Variants in SNRNP48 observed in about 807,000 individuals in gnomAD.
SNRNP48 encodes U11/U12 small nuclear ribonucleoprotein 48 kDa protein.
A neutral mutation model predicts 47.0 loss-of-function variants in SNRNP48; 43 were observed. The ratio of observed to expected loss-of-function variants is 0.92; its 90% CI spans 0.72 to 1.18. The LOEUF (loss-of-function observed/expected upper bound fraction) is 1.18, where lower values mean the gene tolerates loss of function less well. SNRNP48 is among the 50% of genes most tolerant of loss of function. The pLI is 0.00. For synonymous variants in SNRNP48, 138 were observed against 144.0 expected (o/e 0.96, Z 0.30); for missense variants, 396 against 422.2 (o/e 0.94, Z 0.54).
rs1760117574 is a variant in SNRNP48, at chr6:7,606,013, T to C, written c.807-18T>C. On this transcript the variant is annotated intron_variant, in intron 7 of 8. Transcript: ENST00000342415. The stretch of plus-strand genomic sequence containing the variant: ...CAGTGGTAACACAAACTGATTAACA[T>C]TCTTTTCTGTGTTTTAGGAATGAAG... 1.3e-6 allele frequency: 2 copies of C among 1,587,108 alleles called. No individual in the cohort carries two copies. Among genetic ancestry groups the C allele is most frequent in the Non-Finnish European group, 8.5e-7 (1 of 1,171,478 alleles).
intron 1 of SNRNP48, 52 bp downstream of exon 1, chr6:7,590,465 C>A: frequency 7.9e-7 from 1 of 1,262,368 alleles, no homozygotes; most frequent in Non-Finnish European, 1.0e-6. Flanking sequence ...CCGGGGTCTT[C>A]TCTGGAAGAA....
intron 4 of SNRNP48, chr6:7,600,161 A>C (rs748793547): frequency 5.0e-6 from 5 of 992,236 alleles, no homozygotes; most frequent in Non-Finnish European, 6.0e-6. Flanking sequence ...CCCTTTGACG[A>C]GTAAAAATGG....
At chr6:7,591,065 G>A (rs1759807835) in intron 1 of SNRNP48, among the ~76,000 whole-genome samples, 1 of 152,212 alleles carries the variant, frequency 6.6e-6, no homozygotes, top group Non-Finnish European at 1.5e-5. Flanking sequence ...AAGTGAACGT[G>A]TCTCAGAGCG....
Position 7,603,373 on chromosome 6 carries a change from G to A in SNRNP48, c.717+629G>A, listed in dbSNP as rs554826174. On this transcript the variant is annotated intron_variant, in intron 6 of 8. Transcript: ENST00000342415. ...TAGAGTTGATGAATTTTTTTGGTATGTGAATTACCTTGCCCAGACTCTACA... is the reference window on the plus strand; with the variant it reads ...TAGAGTTGATGAATTTTTTTGGTATATGAATTACCTTGCCCAGACTCTACA... 3.1e-4 allele frequency among the ~76,000 whole-genome samples: 47 copies of A among 152,212 alleles called. No individual in the cohort carries two copies. The South Asian group carries it at 7.5e-3, about 24-fold the overall frequency.
chr6:7,605,458 C>G lies in SNRNP48; in HGVS notation c.778C>G (p.Gln260Glu), dbSNP rs1230335638. 2 of 1,613,946 alleles carry G rather than the reference C, an allele frequency of 1.2e-6. No homozygotes were observed. The highest frequency in any genetic ancestry group is 3.3e-5 in the Admixed American group (2 of 60,016). ...ACTCAGCAATCATTGGCAAGAAGAG[C>G]AAGAGAAGGCAGAGGATGATGCCGA... Reference protein sequence around the residue: ...EELSNHWQEEQEKAEDDAEKN... With the variant: ...EELSNHWQEEEEKAEDDAEKN... Residue 260 changes from glutamine to glutamate, a missense_variant, in exon 7 of 9, where the codon CAA (glutamine) becomes GAA (glutamate). Coordinates refer to ENST00000342415, the MANE Select transcript of SNRNP48 (RefSeq NM_152551.4).
chr6:7,601,915 G>A (rs1161275214), intron 5 of SNRNP48, among the ~76,000 whole-genome samples: 2 of 151,968 alleles, frequency 1.3e-5, no homozygotes, highest in East Asian at 1.9e-4. Flanking sequence ...ATGCAGTAGC[G>A]CGATCTCAGT....
At position 7,606,162 on chromosome 6, in the gene SNRNP48, A is replaced by T. The variant is rs768483609; in HGVS notation, c.938A>T (p.Asp313Val). 2 of 1,613,344 alleles carry T rather than the reference A, an allele frequency of 1.2e-6. No homozygotes were observed. The highest frequency in any genetic ancestry group is 2.2e-5 in the South Asian group (2 of 90,968). Residue 313 changes from aspartate to valine, a missense_variant, in exon 8 of 9, where the codon GAT becomes GTT. Coordinates refer to ENST00000342415, the MANE Select transcript of SNRNP48 (RefSeq NM_152551.4). ...AAAAGAAAAAGAAACAAAGATAAGGATAAAAACTGTGAGTCGAGAAGAAGG... is the reference window on the plus strand; with the variant it reads ...AAAAGAAAAAGAAACAAAGATAAGGTTAAAAACTGTGAGTCGAGAAGAAGG... Reference protein sequence around the residue: ...PHKRKRNKDKDKNCESRRRKE... With the variant: ...PHKRKRNKDKVKNCESRRRKE...
At chr6:7,598,867 T>C (rs1484737000) in intron 4 of SNRNP48, among the ~76,000 whole-genome samples, 1 of 152,246 alleles carries the variant, frequency 6.6e-6, no homozygotes, top group Non-Finnish European at 1.5e-5. Context: ...TCAGATATAG[T>C]TACTTCGGTT....
intron 3 of SNRNP48, 122 bp from the exon 4 acceptor site, chr6:7,594,900 GATGTT>G: frequency 2.9e-6 from 2 of 690,594 alleles, no homozygotes; most frequent in Non-Finnish European, 4.9e-6. Context: ...CAGGGATGTG[GATGTT>G]TCTTAAGATT....
chr6:7,610,117 C>T lies in SNRNP48; in HGVS notation c.*1244C>T, dbSNP rs1047005564. 5.9e-5 allele frequency: 9 copies of T among 152,152 alleles called. No individual in the cohort carries two copies. The highest frequency in any genetic ancestry group is 5.2e-4 in the Admixed American group (8 of 15,278). The allele number at this position is 152,152 out of a possible 1,614,324, so 9.4% of individuals were successfully genotyped here. A position where few individuals can be genotyped will look rare whatever the true frequency, so the allele number is the denominator to read the frequency against. ...TAGTATGTTCTATCTTATGTCAGAT[C>T]ATTCACGTGAGACTTTGGCATGAAA... On this transcript the variant is annotated 3_prime_UTR_variant, in exon 9 of 9. Transcript: ENST00000342415.
rs551045530 is a variant in SNRNP48, at chr6:7,599,480, G to A, written c.407-1856G>A. Among the ~76,000 whole-genome samples, 15 of 152,214 alleles carry A rather than the reference G, an allele frequency of 9.9e-5. No homozygotes were observed. The South Asian group carries it at 3.1e-3, about 32-fold the overall frequency. ...AAAAACAGGCAGCCAAAGGGTCTTA[G>A]AGTTATTATAATTACAGCACATTCA... On this transcript the variant is annotated intron_variant, in intron 4 of 8. Coordinates refer to ENST00000342415, the MANE Select transcript of SNRNP48 (RefSeq NM_152551.4).
intron 4 of SNRNP48, among the ~76,000 whole-genome samples, chr6:7,597,405 C>T (rs1000192638): frequency 6.6e-6 from 1 of 152,178 alleles, no homozygotes; most frequent in African/African-American, 2.4e-5. Context: ...CAGTGCTGTT[C>T]ATTGTTTATT....
At chr6:7,595,301 C>T (rs1561711674) in intron 4 of SNRNP48, among the ~76,000 whole-genome samples, 200 bp downstream of exon 4, 1 of 152,166 alleles carries the variant, frequency 6.6e-6, no homozygotes. Flanking sequence ...CAGAGTCTCA[C>T]TAAGACACTA....
chr6:7,590,229 C>G lies in SNRNP48; in HGVS notation c.-29C>G, dbSNP rs775926648. The G allele has an allele frequency of 1.6e-6, 2 of 1,288,818 alleles. No homozygotes were observed. Among genetic ancestry groups the G allele is most frequent in the Non-Finnish European group, 2.0e-6 (2 of 1,010,518 alleles). 79.8% of individuals were successfully genotyped at this position (1,288,818 alleles called of 1,614,324 possible). Reference sequence around the variant, plus strand: ...CTGCGCGTGCGGTCTGCAGTTCGGCCGCTTCCTCTTGGCGGGTGGGCTGCA... The same window carrying G: ...CTGCGCGTGCGGTCTGCAGTTCGGCGGCTTCCTCTTGGCGGGTGGGCTGCA... On this transcript the variant is annotated 5_prime_UTR_variant, in exon 1 of 9. Coordinates refer to ENST00000342415, the MANE Select transcript of SNRNP48 (RefSeq NM_152551.4).
intron 1 of SNRNP48, among the ~76,000 whole-genome samples, 180 bp from the exon 2 acceptor site, chr6:7,593,554 G>T (rs924739886): frequency 1.3e-5 from 2 of 152,128 alleles, no homozygotes; most frequent in African/African-American, 2.4e-5. Context: ...CATTTAGGGA[G>T]TTAGGGGTTG....
intron 4 of SNRNP48, among the ~76,000 whole-genome samples, chr6:7,595,307 C>T (rs765770515): frequency 1.3e-5 from 2 of 152,126 alleles, no homozygotes; most frequent in African/African-American, 4.8e-5. Flanking sequence ...CTCACTAAGA[C>T]ACTATCTTAG....
intron 8 of SNRNP48, among the ~76,000 whole-genome samples, chr6:7,608,039 T>G (rs1760164884): frequency 6.6e-6 from 1 of 152,218 alleles, no homozygotes; most frequent in Non-Finnish European, 1.5e-5. Context: ...TTAAATACAT[T>G]AGAAGTCCTC....
chr6:7,590,228 C>T lies in SNRNP48; in HGVS notation c.-30C>T, dbSNP rs200922693. ...CCTGCGCGTGCGGTCTGCAGTTCGG[C>T]CGCTTCCTCTTGGCGGGTGGGCTGC... On this transcript the variant is annotated 5_prime_UTR_variant, in exon 1 of 9. Coordinates refer to ENST00000342415, the MANE Select transcript of SNRNP48 (RefSeq NM_152551.4). 445 of 1,287,008 alleles carry T rather than the reference C, an allele frequency of 3.5e-4. 2 individuals are homozygous for T. Among genetic ancestry groups the T allele is most frequent in the South Asian group, 1.3e-4 (4 of 31,566 alleles). 79.7% of individuals were successfully genotyped at this position (1,287,008 alleles called of 1,614,324 possible). A position where few individuals can be genotyped will look rare whatever the true frequency, so the allele number is the denominator to read the frequency against.
At chr6:7,605,009 C>T (rs1304030100) in intron 6 of SNRNP48, among the ~76,000 whole-genome samples, 1 of 106,650 alleles carries the variant, frequency 9.4e-6, no homozygotes, top group African/African-American at 5.4e-5. Context: ...CTCATTGGCA[C>T]TCTCTCTCTC....
Sources: allele counts gnomAD v4.1 joint callset (sites outside exome capture counted in the v4.1 genomes callset), GRCh38; gene constraint gnomAD v4.1.1; transcripts MANE v1.5; gene names NCBI Gene and HGNC (gene_info 2026-07-23, HGNC 2026-07-21).